Variants in NCOA3 observed in about 807,000 individuals in gnomAD.
The protein encoded by NCOA3 is CBP-interacting protein.
A neutral mutation model predicts 158.8 loss-of-function variants in NCOA3; 51 were observed. The ratio of observed to expected loss-of-function variants is 0.32; its 90% CI spans 0.26 to 0.41. The LOEUF (loss-of-function observed/expected upper bound fraction) is 0.41. Ranked by LOEUF, NCOA3 falls within the 10% of genes least tolerant of loss-of-function variation. The pLI, the probability that NCOA3 is intolerant of heterozygous loss-of-function variation, is 1.00. For missense variants in NCOA3, 1,510 were observed against 1,746.6 expected (o/e 0.86, Z 2.41); for synonymous variants, 537 against 592.4 (o/e 0.91, Z 1.36).
chr20:47,639,437 A>C (rs1031221761), intron 14 of NCOA3, 140 bp from the exon 15 acceptor site: 10 of 1,192,154 alleles, frequency 8.4e-6, no homozygotes, highest in Non-Finnish European at 1.2e-5. Context: ...CTATGTCTCC[A>C]CAGTTGGCCA....
chr20:47,613,815 G>A (rs1471206160), intron 2 of NCOA3, among the ~76,000 whole-genome samples: 2 of 151,906 alleles, frequency 1.3e-5, no homozygotes, highest in East Asian at 1.9e-4. Flanking sequence ...GGAGGCTGAG[G>A]CAGGAGAATC....
intron 1 of NCOA3, 65 bp downstream of exon 1, chr20:47,502,084 G>C (rs1325390799): frequency 2.0e-5 from 8 of 399,080 alleles, no homozygotes; most frequent in Non-Finnish European, 3.5e-5. Flanking sequence ...GGAGGGAAGA[G>C]GGGCGAGTTC....
chr20:47,506,756 G>A (rs1243539891), intron 1 of NCOA3, among the ~76,000 whole-genome samples: 1 of 124,658 alleles, frequency 8.0e-6, no homozygotes, highest in Non-Finnish European at 1.7e-5. Flanking sequence ...TTTTTGTTAG[G>A]AACATCTGTG....
At chr20:47,575,711 T>C (rs2085363007) in intron 1 of NCOA3, among the ~76,000 whole-genome samples, 2 of 152,210 alleles carry the variant, frequency 1.3e-5, no homozygotes, top group Non-Finnish European at 1.5e-5. Flanking sequence ...CTACAGGGTA[T>C]TCTAAACGTA....
chr20:47,540,103 C>T (rs752681193), intron 1 of NCOA3, among the ~76,000 whole-genome samples: 7 of 152,128 alleles, frequency 4.6e-5, no homozygotes, highest in Admixed American at 2.6e-4. Flanking sequence ...TCTCAGATTT[C>T]GGAGGCCATG....
intron 2 of NCOA3, among the ~76,000 whole-genome samples, chr20:47,587,705 T>A (rs2085557396): frequency 6.6e-6 from 1 of 152,228 alleles, no homozygotes; most frequent in Non-Finnish European, 1.5e-5. Context: ...ATTGTTTTTT[T>A]AAATTTATTT....
At chr20:47,581,789 T>A (rs2085457477) in intron 1 of NCOA3, among the ~76,000 whole-genome samples, 1 of 152,236 alleles carries the variant, frequency 6.6e-6, no homozygotes. Flanking sequence ...AAAAGCCTGC[T>A]GTTTATATGT....
At chr20:47,533,284 C>CAAA (rs1158802672) in intron 1 of NCOA3, among the ~76,000 whole-genome samples, 40 of 54,802 alleles carry the variant, frequency 7.3e-4, no homozygotes, top group Middle Eastern at 0.01. Context: ...GGTTCCGTCT[C>CAAA]AAAAAAAAAA....
chr20:47,561,889 C>T (rs2085112179), intron 1 of NCOA3, among the ~76,000 whole-genome samples: 1 of 151,984 alleles, frequency 6.6e-6, no homozygotes, highest in African/African-American at 2.4e-5. Flanking sequence ...GTTTCACTAC[C>T]CTAAAAAATC....
chr20:47,594,294 C>T (rs1025248817), intron 2 of NCOA3, among the ~76,000 whole-genome samples: 2 of 152,162 alleles, frequency 1.3e-5, no homozygotes, highest in Non-Finnish European at 2.9e-5. Flanking sequence ...TCAGATTCTA[C>T]ATTACGGAAC....
At chr20:47,564,902 A>G (rs1208806376) in intron 1 of NCOA3, among the ~76,000 whole-genome samples, 2 of 151,838 alleles carry the variant, frequency 1.3e-5, no homozygotes, top group Non-Finnish European at 2.9e-5. Context: ...TCTAATTTGT[A>G]AAGCTCCTAT....
At chr20:47,538,894 T>C (rs1476156488) in intron 1 of NCOA3, among the ~76,000 whole-genome samples, 2 of 152,256 alleles carry the variant, frequency 1.3e-5, no homozygotes, top group Non-Finnish European at 2.9e-5. Flanking sequence ...TTTCAGAAAC[T>C]GGAGAAGATG....
chr20:47,560,886 A>G (rs1373281719), intron 1 of NCOA3, among the ~76,000 whole-genome samples: 1 of 149,618 alleles, frequency 6.7e-6, no homozygotes, highest in African/African-American at 2.5e-5. Flanking sequence ...TACATTAATG[A>G]GTTCTTTTGT....
intron 1 of NCOA3, among the ~76,000 whole-genome samples, chr20:47,524,038 C>T (rs2084387176): frequency 6.6e-6 from 1 of 152,184 alleles, no homozygotes; most frequent in Non-Finnish European, 1.5e-5. Context: ...GAATAGATGG[C>T]TTAAAGGAAT....
intron 12 of NCOA3, among the ~76,000 whole-genome samples, chr20:47,637,260 A>C (rs2086529991): frequency 6.6e-6 from 1 of 152,214 alleles, no homozygotes; most frequent in Non-Finnish European, 1.5e-5. Flanking sequence ...TTTTTAGAGC[A>C]TGCCTATGAA....
chr20:47,635,680 AAGAT>A lies in NCOA3; in HGVS notation c.1474_1477del (p.Ile492ProfsTer62). 1 of 1,614,134 alleles carries A rather than the reference AAGAT, an allele frequency of 6.2e-7. No individual in the cohort carries two copies. The highest frequency in any genetic ancestry group is 8.5e-7 in the Non-Finnish European group (1 of 1,180,000). On this transcript the variant is annotated frameshift_variant, in exon 11 of 23. Transcript: ENST00000371998. LOFTEE classifies it high-confidence loss of function. ...TTCTCCTCGTAATCGTGGGAGTCCA[AAGAT>A]AGCCTCACATCAGTTTTCTCCTGTT...
intron 1 of NCOA3, among the ~76,000 whole-genome samples, chr20:47,561,606 A>G (rs1406355473): frequency 6.6e-6 from 1 of 152,002 alleles, no homozygotes; most frequent in Admixed American, 6.6e-5. Context: ...GGCATGAGCC[A>G]CTGCACCTCG....
intron 1 of NCOA3, among the ~76,000 whole-genome samples, chr20:47,529,542 A>G (rs1304259929): frequency 6.6e-6 from 1 of 152,176 alleles, no homozygotes; most frequent in Non-Finnish European, 1.5e-5. Context: ...CCTCCCGAGT[A>G]GCTGGGACCA....
At chr20:47,576,159 G>A (rs981635162) in intron 1 of NCOA3, among the ~76,000 whole-genome samples, 2 of 152,170 alleles carry the variant, frequency 1.3e-5, no homozygotes, top group Non-Finnish European at 2.9e-5. Flanking sequence ...AGCTCTGCCT[G>A]CATTTCTGTG....
Sources: allele counts gnomAD v4.1 joint callset (sites outside exome capture counted in the v4.1 genomes callset), GRCh38; gene constraint gnomAD v4.1.1; transcripts MANE v1.5; gene names NCBI Gene and HGNC (gene_info 2026-07-23, HGNC 2026-07-21).